Variants in MYRFL observed in about 807,000 individuals in gnomAD.
MYRFL encodes myelin regulatory factor-like protein.
Under a neutral mutation model 109.4 loss-of-function variants are expected in MYRFL, and 88 were observed. The observed-to-expected ratio is 0.80, with a 90% CI of 0.68 to 0.96. The LOEUF is 0.96. MYRFL is among the 40% of genes least tolerant of loss of function. The pLI is 0.00. For missense variants in MYRFL, 957 were observed against 954.9 expected (o/e 1.00, Z -0.03); for synonymous variants, 324 against 320.9 (o/e 1.01, Z -0.10).
At chr12:69,858,376 G>C (rs1884428436) in intron 2 of MYRFL, among the ~76,000 whole-genome samples, 1 of 151,692 alleles carries the variant, frequency 6.6e-6, no homozygotes, top group South Asian at 2.1e-4. Flanking sequence ...AAATTCGTTG[G>C]GAAATTCCCT....
chr12:69,928,027 T>G (rs1152962), intron 15 of MYRFL, among the ~76,000 whole-genome samples: 108,139 of 152,028 alleles, frequency 0.71, 39,088 homozygotes, highest in East Asian at 0.99. Context: ...AGCAGCCTCG[T>G]CATACAGATG....
At chr12:69,874,176 T>C (rs954219143) in intron 2 of MYRFL, among the ~76,000 whole-genome samples, 7 of 152,220 alleles carry the variant, frequency 4.6e-5, no homozygotes, top group African/African-American at 1.7e-4. Context: ...TATTTTGTTA[T>C]TTTATTTTAT....
chr12:69,935,720 A>G (rs572212449), intron 16 of MYRFL, among the ~76,000 whole-genome samples: 82 of 152,286 alleles, frequency 5.4e-4, no homozygotes, highest in African/African-American at 1.9e-3. Context: ...GACAGTGCCA[A>G]TGCCCTCCAC....
At chr12:69,900,726 A>G (rs149575300) in intron 10 of MYRFL, among the ~76,000 whole-genome samples, 1 of 152,186 alleles carries the variant, frequency 6.6e-6, no homozygotes, top group Non-Finnish European at 1.5e-5. Flanking sequence ...CGATGGTAAA[A>G]CAAATTCCAG....
chr12:69,825,490 GA>G lies in MYRFL; in HGVS notation c.-27del, dbSNP rs1425173478. On this transcript the variant is annotated 5_prime_UTR_variant, in exon 1 of 25. The change abolishes the stop of an existing upstream ORF in the 5' untranslated region. Transcript: ENST00000552032. ...TGAGGTCTGATAACCGTTGTTTTATGAGGAAATAGTACTAGGATCACAGTAC... is the reference window on the plus strand; with the variant it reads ...TGAGGTCTGATAACCGTTGTTTTATGGGAAATAGTACTAGGATCACAGTAC... 2 of 700,312 alleles carry G rather than the reference GA, an allele frequency of 2.9e-6. No homozygotes were observed. The highest frequency in any genetic ancestry group is 1.8e-5 in the African/African-American group (1 of 57,092). The allele number at this position is 700,312 out of a possible 1,614,324, so 43.4% of individuals were successfully genotyped here.
intron 2 of MYRFL, among the ~76,000 whole-genome samples, chr12:69,877,985 G>A (rs1885793299): frequency 1.3e-5 from 2 of 152,276 alleles, no homozygotes; most frequent in South Asian, 4.1e-4. Flanking sequence ...GCTCACGCCT[G>A]TAATCCCTAC....
chr12:69,907,432 C>T (rs2120376516), intron 11 of MYRFL, among the ~76,000 whole-genome samples: 1 of 152,268 alleles, frequency 6.6e-6, no homozygotes, highest in South Asian at 2.1e-4. Context: ...TGCTTTTCAT[C>T]TGCAACAAAG....
chr12:69,891,571 TTC>T (rs1886811371), intron 7 of MYRFL, among the ~76,000 whole-genome samples: 1 of 126,446 alleles, frequency 7.9e-6, no homozygotes, highest in African/African-American at 3.2e-5. Flanking sequence ...ATTTCTTTCT[TTC>T]TTTCTTTCTT....
chr12:69,885,223 G>C (rs1179235484), intron 5 of MYRFL, among the ~76,000 whole-genome samples: 1 of 151,908 alleles, frequency 6.6e-6, no homozygotes, highest in African/African-American at 2.4e-5. Context: ...GTTTTTCAGT[G>C]TTTTGAGAAA....
intron 19 of MYRFL, among the ~76,000 whole-genome samples, chr12:69,950,614 T>A (rs909915754): frequency 7.2e-5 from 11 of 152,144 alleles, no homozygotes; most frequent in African/African-American, 2.7e-4. Context: ...TTATACTCAC[T>A]CGAGAAGTAG....
intron 1 of MYRFL, among the ~76,000 whole-genome samples, chr12:69,833,861 A>T (rs1882783940): frequency 7.9e-6 from 1 of 126,906 alleles, no homozygotes. Flanking sequence ...TACAATTTGC[A>T]TGTAAAATTA....
At chr12:69,933,828 G>A (rs1053959547) in intron 16 of MYRFL, among the ~76,000 whole-genome samples, 2 of 149,622 alleles carry the variant, frequency 1.3e-5, no homozygotes, top group African/African-American at 4.9e-5. Context: ...GTTATAAGAA[G>A]TCTAATTGTA....
rs113649427 is a variant in MYRFL at position 69,877,023 on chromosome 12, CTTTTT to C, written c.138-1991_138-1987del. Among the ~76,000 whole-genome samples the C allele has an allele frequency of 6.8e-4, 88 of 128,894 alleles. 2 individuals carry two copies. The highest frequency in any genetic ancestry group is 2.0e-3 in the African/African-American group (67 of 33,078). 84.6% of individuals were successfully genotyped at this position (128,894 alleles called of 152,430 possible). On this transcript the variant is annotated intron_variant, in intron 2 of 24. Transcript: ENST00000552032. Reference sequence around the variant, plus strand: ...CAGGTCTTTCTTTCTTTCTTTCTTTCTTTTTTTTTTTTTTTTTTGAGACGGAGTCT... The same window carrying C: ...CAGGTCTTTCTTTCTTTCTTTCTTTCTTTTTTTTTTTTTGAGACGGAGTCT...
chr12:69,825,735 C>G (rs568538986), intron 1 of MYRFL, among the ~76,000 whole-genome samples, 172 bp downstream of exon 1: 1 of 152,140 alleles, frequency 6.6e-6, no homozygotes, highest in Non-Finnish European at 1.5e-5. Flanking sequence ...GAGCAAAATT[C>G]AATGGTATGG....
Position 69,825,940 on chromosome 12 carries a change from C to T in MYRFL, c.46+377C>T, listed in dbSNP as rs1482122357. Among the ~76,000 whole-genome samples the T allele has an allele frequency of 5.3e-5, 8 of 152,058 alleles. No homozygotes were observed. In the East Asian group the frequency reaches 1.2e-3, roughly 22 times the overall value. ...GGGAAACGTGACCATCATTTTTACACGGTAAGGTATTTTGCATGAGGGAGT... is the reference window on the plus strand; with the variant it reads ...GGGAAACGTGACCATCATTTTTACATGGTAAGGTATTTTGCATGAGGGAGT... On this transcript the variant is annotated intron_variant, in intron 1 of 24. Transcript: ENST00000552032.
chr12:69,880,895 A>G (rs898500600), intron 5 of MYRFL, among the ~76,000 whole-genome samples: 1 of 149,822 alleles, frequency 6.7e-6, no homozygotes, highest in East Asian at 2.0e-4. Context: ...GAAATTTGAA[A>G]TCATTTTAGA....
intron 1 of MYRFL, among the ~76,000 whole-genome samples, chr12:69,833,687 A>C (rs939482636): frequency 6.6e-6 from 1 of 152,192 alleles, no homozygotes; most frequent in Non-Finnish European, 1.5e-5. Flanking sequence ...TGAAGTGCTT[A>C]GATTTGGACA....
intron 2 of MYRFL, among the ~76,000 whole-genome samples, chr12:69,876,846 T>C (rs547550370): frequency 1.3e-5 from 2 of 152,276 alleles, no homozygotes; most frequent in East Asian, 3.9e-4. Flanking sequence ...CTTCTATTTT[T>C]TCAGCCCAGT....
At chr12:69,875,088 T>C (rs1485131212) in intron 2 of MYRFL, among the ~76,000 whole-genome samples, 1 of 148,928 alleles carries the variant, frequency 6.7e-6, no homozygotes, top group Non-Finnish European at 1.5e-5. Context: ...TACATTTATA[T>C]CTTTTCCTAA....
Sources: allele counts gnomAD v4.1 joint callset (sites outside exome capture counted in the v4.1 genomes callset), GRCh38; gene constraint gnomAD v4.1.1; transcripts MANE v1.5; gene names NCBI Gene and HGNC (gene_info 2026-07-23, HGNC 2026-07-21).